The following CENPF variants were observed in gnomAD, a reference collection of about 807,000 sequenced individuals.
CENPF encodes centromere protein F, also known as AH antigen.
A neutral mutation model predicts 307.3 loss-of-function variants in CENPF; 214 were observed. The ratio of observed to expected loss-of-function variants is 0.70; its 90% confidence interval spans 0.62 to 0.78. The LOEUF is 0.78. Among genes scored for constraint, CENPF ranks in the 30% least tolerant of loss-of-function variants. CENPF has a pLI of 0.00. For missense variants in CENPF, 3,401 were observed against 3,483.9 expected (o/e 0.98, Z 0.60); for synonymous variants, 1,259 against 1,270.6 (o/e 0.99, Z 0.19).
Position 214,615,025 on chromosome 1 carries a change from A to T in CENPF, c.356A>T (p.Lys119Ile), listed in dbSNP as rs2102531530. ...ATAGAAAAACTGGAACAGGAACTTAAAAGGTAATATTTTGGGATGGTATTT... is the reference window on the plus strand; with the variant it reads ...ATAGAAAAACTGGAACAGGAACTTATAAGGTAATATTTTGGGATGGTATTT... ...KQIEKLEQEL[K>I]RCKSELERSQ... The change falls in exon 3 of 20, where the codon AAA (lysine) becomes ATA (isoleucine). Residue 119 changes from lysine (K) to isoleucine (I), a missense_variant. Transcript: ENST00000366955. 6.3e-7 allele frequency: 1 copy of T among 1,595,568 alleles called. No homozygotes were observed. Among genetic ancestry groups the T allele is most frequent in the African/African-American group, 1.4e-5 (1 of 73,894 alleles).
At chr1:214,638,137 T>C (rs1410070657) in intron 11 of CENPF, 136 bp downstream of exon 11, 10 of 902,158 alleles carry the variant, frequency 1.1e-5, no homozygotes, top group Non-Finnish European at 1.6e-5. Context: ...GCGCAGTTGA[T>C]GTGGAAGAGT....
chr1:214,613,725 A>G lies in CENPF; in HGVS notation c.-30A>G, dbSNP rs1204474045. ...GTTATTCTTTTCAGTTTATTTACAAATGTTGGAGTAATAAAGAAGGCAGAA... is the reference window on the plus strand; with the variant it reads ...GTTATTCTTTTCAGTTTATTTACAAGTGTTGGAGTAATAAAGAAGGCAGAA... On this transcript the variant is annotated 5_prime_UTR_variant, in exon 2 of 20. The change abolishes an upstream ATG in the 5' untranslated region. Transcript: ENST00000366955. The G allele has an allele frequency of 7.1e-6, 11 of 1,558,932 alleles. No homozygotes were observed. The highest frequency in any genetic ancestry group is 9.5e-6 in the Non-Finnish European group (11 of 1,155,354).
rs199813442 is a variant in CENPF at position 214,647,215 on chromosome 1, C to A, written c.7645C>A (p.Gln2549Lys). 460 of 1,613,912 alleles carry A rather than the reference C, an allele frequency of 2.9e-4. No homozygotes were observed. Among genetic ancestry groups the A allele is most frequent in the Non-Finnish European group, 3.6e-4 (421 of 1,179,968 alleles). Reference protein sequence around the residue: ...SKLSQVEGEHQLWKEQNLELR... With the variant: ...SKLSQVEGEHKLWKEQNLELR... ...ACTGTCCCAGGTGGAAGGAGAGCAC[C>A]AACTTTGGAAGGAGCAAAACTTAGA... The change falls in exon 13 of 20, where the codon CAA (glutamine) becomes AAA (lysine). Residue 2549 changes from glutamine to lysine, a missense_variant. By Grantham distance (53) the Gln-to-Lys change is moderately conservative (BLOSUM62 1). Coordinates refer to ENST00000366955, the MANE Select transcript of CENPF (RefSeq NM_016343.4).
Position 214,640,868 on chromosome 1 carries a change from C to T in CENPF, c.2530C>T (p.Gln844Ter). 6.3e-7 allele frequency: 1 copy of T among 1,598,372 alleles called. No individual in the cohort carries two copies. The highest frequency in any genetic ancestry group is 8.5e-7 in the Non-Finnish European group (1 of 1,175,716). Residue 844 changes from glutamine to a stop codon, truncating the protein, a stop_gained, in exon 12 of 20, where the codon CAG (glutamine) becomes TAG (stop). Transcript: ENST00000366955. LOFTEE classifies it high-confidence loss of function. ...TGAATTTTCATTAGAGTCTCAAAAA[C>T]AGATGAACTCAGACCTGCAAAAGCA... Reference protein sequence around the residue: ...SLEFSLESQKQMNSDLQKQCE... With the variant: ...SLEFSLESQK
At chr1:214,607,903 C>CG (rs1657080769) in intron 1 of CENPF, among the ~76,000 whole-genome samples, 1 of 152,184 alleles carries the variant, frequency 6.6e-6, no homozygotes, top group Non-Finnish European at 1.5e-5. Context: ...GGCCAGGCCT[C>CG]GGGACCTGGA....
chr1:214,631,624 C>T (rs900321602), intron 9 of CENPF, among the ~76,000 whole-genome samples: 5 of 152,160 alleles, frequency 3.3e-5, no homozygotes, highest in Admixed American at 6.5e-5. Context: ...CTCAGCCTCC[C>T]GAGTGGCTGG....
Position 214,647,347 on chromosome 1 carries a change from C to T in CENPF, c.7777C>T (p.Leu2593=). ...AGTGCTGCAGAGTTCTTACAAGAAT[C>T]TAGAGAATGAGCTTGAATTGACAAA... is the stretch of plus-strand genomic sequence containing the variant. ...LEVLQSSYKN[L]ENELELTKMD... is the part of the protein sequence containing the mutation. The change falls in exon 13 of 20, where the codon CTA becomes TTA. Residue 2593 remains leucine (L), a synonymous_variant. Coordinates refer to ENST00000366955, the MANE Select transcript of CENPF (RefSeq NM_016343.4). 6.2e-7 allele frequency: 1 copy of T among 1,612,842 alleles called. No individual in the cohort carries two copies. The highest frequency in any genetic ancestry group is 8.5e-7 in the Non-Finnish European group (1 of 1,179,490).
In CENPF at chr1:214,645,158, C is replaced by T; in HGVS notation, c.5588C>T (p.Ser1863Phe). 1 of 1,613,946 alleles carries T rather than the reference C, an allele frequency of 6.2e-7. No homozygotes were observed. Among genetic ancestry groups the T allele is most frequent in the Non-Finnish European group, 8.5e-7 (1 of 1,179,984 alleles). ...HQELLQRVET[S>F]EGLNSDLEMH... ...GAGTTACTCCAGAGAGTAGAAACTT[C>T]TGAAGGCCTCAATTCTGATTTAGAA... is the stretch of plus-strand genomic sequence containing the variant. The change falls in exon 13 of 20, where the codon TCT (serine) becomes TTT (phenylalanine). Residue 1863 changes from serine (S) to phenylalanine (F), a missense_variant. By Grantham distance (155) the Ser-to-Phe change is radical (BLOSUM62 -2). Coordinates refer to ENST00000366955, the MANE Select transcript of CENPF (RefSeq NM_016343.4).
intron 3 of CENPF, among the ~76,000 whole-genome samples, chr1:214,617,170 G>A (rs1027614171): frequency 6.6e-6 from 1 of 151,526 alleles, no homozygotes; most frequent in Non-Finnish European, 1.5e-5. Flanking sequence ...TCCTGCCTTA[G>A]CCTCCCAGCT....
At position 214,663,936 on chromosome 1, in the gene CENPF, C is replaced by G. The variant is rs757595861; in HGVS notation, c.*142C>G. 7.6e-6 allele frequency: 5 copies of G among 660,950 alleles called. No individual in the cohort carries two copies. The highest frequency in any genetic ancestry group is 1.0e-5 in the Non-Finnish European group (4 of 394,786). The allele number at this position is 660,950 out of a possible 1,614,324, so 40.9% of individuals were successfully genotyped here. A position where few individuals can be genotyped will look rare whatever the true frequency, so the allele number is the denominator to read the frequency against. On this transcript the variant is annotated 3_prime_UTR_variant, in exon 20 of 20. Transcript: ENST00000366955. ...TTAGAAGTCTTAAATATATTGTACT[C>G]TTTAGATCTCCCATGTGTAGGTATT...
chr1:214,640,788 A>C lies in CENPF; in HGVS notation c.2450A>C (p.Glu817Ala). 6.2e-7 allele frequency: 1 copy of C among 1,610,090 alleles called. No homozygotes were observed. Among genetic ancestry groups the C allele is most frequent in the East Asian group, 2.2e-5 (1 of 44,860 alleles). ...MPSERSECRL[E>A]ADQSPKNSAI... ...TCAGAGAGGAGTGAATGTCGTTTAG[A>C]AGCAGACCAAAGTCCGAAAAATTCT... is the stretch of plus-strand genomic sequence containing the variant. The change falls in exon 12 of 20, where the codon GAA becomes GCA. Residue 817 changes from glutamate to alanine, a missense_variant. Glu to Ala is a moderately radical substitution (Grantham distance 107). Coordinates refer to ENST00000366955, the MANE Select transcript of CENPF (RefSeq NM_016343.4).
chr1:214,637,176 C>T (rs927356756), intron 10 of CENPF, among the ~76,000 whole-genome samples: 1 of 152,148 alleles, frequency 6.6e-6, no homozygotes, highest in Non-Finnish European at 1.5e-5. Flanking sequence ...CTCTGTGTTC[C>T]AGCCCTCTGA....
intron 13 of CENPF, 41 bp downstream of exon 13, chr1:214,647,441 G>A (rs890029838): frequency 2.0e-6 from 3 of 1,536,806 alleles, no homozygotes; most frequent in Non-Finnish European, 2.6e-6. Context: ...ATGTAGTCAT[G>A]AGGCAGGAAA....
At chr1:214,605,446 T>G (rs898766927) in intron 1 of CENPF, 64 of 517,882 alleles carry the variant, frequency 1.2e-4, no homozygotes, top group Middle Eastern at 5.1e-4. Flanking sequence ...GCTTTGTTTT[T>G]TTTTTTTTTT....
intron 7 of CENPF, among the ~76,000 whole-genome samples, chr1:214,625,979 TTA>T (rs1445735189): frequency 6.6e-6 from 1 of 152,164 alleles, no homozygotes; most frequent in Non-Finnish European, 1.5e-5. Context: ...GGAAAGCCTA[TTA>T]TATTTGTGTG....
chr1:214,612,258 T>G (rs1279050946), intron 1 of CENPF, among the ~76,000 whole-genome samples: 1 of 152,222 alleles, frequency 6.6e-6, no homozygotes, highest in Non-Finnish European at 1.5e-5. Context: ...GTTATGCTTA[T>G]GTGATGAATC....
At chr1:214,643,852 G>A (rs12060367) in intron 12 of CENPF, among the ~76,000 whole-genome samples, 11,162 of 152,168 alleles carry the variant, frequency 0.073, 500 homozygotes, top group South Asian at 0.14. Context: ...ATTTAAAAGG[G>A]CTTTTAAAAA....
At position 214,663,798 on chromosome 1, in the gene CENPF, C is replaced by T. The variant is rs1221078332; in HGVS notation, c.*4C>T. On this transcript the variant is annotated 3_prime_UTR_variant, in exon 20 of 20. Coordinates refer to ENST00000366955, the MANE Select transcript of CENPF (RefSeq NM_016343.4). ...TGAGAACTGTAAGGTCCAGTGAAGG[C>T]ACTTTGTGTGTCAGTACCCCTGGGA... 3 of 1,612,210 alleles carry T rather than the reference C, an allele frequency of 1.9e-6. No homozygotes were observed. The highest frequency in any genetic ancestry group is 4.5e-5 in the East Asian group (2 of 44,814).
At chr1:214,614,059 G>A (rs1237376089) in intron 2 of CENPF, 143 bp downstream of exon 2, 8 of 736,126 alleles carry the variant, frequency 1.1e-5, no homozygotes, top group Non-Finnish European at 1.4e-5. Flanking sequence ...GTCTTCAGGT[G>A]GTAATTCCTC....
Sources: gnomAD v4.1 joint callset for allele counts (sites outside exome capture counted in the v4.1 genomes callset) on GRCh38, gnomAD v4.1.1 for gene constraint, MANE v1.5 for transcripts, NCBI Gene and HGNC (gene_info 2026-07-23, HGNC 2026-07-21) for gene names.